SORCS1: variants seen among roughly 807,000 people sequenced by gnomAD.
SORCS1 encodes the protein VPS10 domain-containing receptor SorCS1.
A neutral mutation model predicts 146.1 loss-of-function variants in SORCS1; 60 were observed. The observed-to-expected ratio is 0.41, with a 90% CI of 0.33 to 0.51. SORCS1 has a LOEUF of 0.51. Among genes scored for constraint, SORCS1 ranks in the 20% least tolerant of loss-of-function variants. SORCS1 has a pLI of 0.21. For missense variants in SORCS1, 1,352 were observed against 1,487.6 expected (o/e 0.91, Z 1.50); for synonymous variants, 637 against 584.0 (o/e 1.09, Z -1.31).
intron 3 of SORCS1, among the ~76,000 whole-genome samples, chr10:106,823,628 C>T (rs963573951): frequency 2.6e-5 from 4 of 152,112 alleles, no homozygotes; most frequent in Non-Finnish European, 5.9e-5. Context: ...TCTAGGTCCT[C>T]GCATTCTAAA....
At chr10:107,097,014 C>T (rs1045742010) in intron 1 of SORCS1, among the ~76,000 whole-genome samples, 5 of 152,214 alleles carry the variant, frequency 3.3e-5, no homozygotes, top group Non-Finnish European at 7.3e-5. Context: ...AATTAATGTG[C>T]TTTAAGGAGA....
At chr10:107,026,481 T>C (rs1207326438) in intron 1 of SORCS1, among the ~76,000 whole-genome samples, 1 of 151,836 alleles carries the variant, frequency 6.6e-6, no homozygotes, top group Non-Finnish European at 1.5e-5. Context: ...TAGCCAGGCA[T>C]GGTGGTGGGC....
intron 6 of SORCS1, among the ~76,000 whole-genome samples, chr10:106,725,559 A>AAAATAAATAAATAAATAAATAAAT (rs71025549): frequency 1.2e-4 from 17 of 144,622 alleles, no homozygotes; most frequent in South Asian, 4.5e-4. Flanking sequence ...CACATACACA[A>AAAATAAATAAATAAATAAATAAAT]AAATAAATAA....
intron 23 of SORCS1, among the ~76,000 whole-genome samples, chr10:106,602,398 G>T (rs1361656702): frequency 6.6e-6 from 1 of 152,076 alleles, no homozygotes; most frequent in African/African-American, 2.4e-5. Flanking sequence ...TTCCTTTTGT[G>T]TTAAACAGAG....
At chr10:106,964,179 C>T (rs1205750845) in intron 1 of SORCS1, among the ~76,000 whole-genome samples, 3 of 152,206 alleles carry the variant, frequency 2.0e-5, no homozygotes, top group Admixed American at 6.5e-5. Flanking sequence ...GGACCCAACA[C>T]AATATCAGAA....
At chr10:107,127,866 C>G (rs1312452068) in intron 1 of SORCS1, among the ~76,000 whole-genome samples, 3 of 152,220 alleles carry the variant, frequency 2.0e-5, no homozygotes, top group Non-Finnish European at 4.4e-5. Flanking sequence ...GCATACCTGG[C>G]TTTAAAACTT....
In SORCS1 at chr10:106,957,576, C is replaced by T. The variant is rs79795795; in HGVS notation, c.559-996G>A. Among the ~76,000 whole-genome samples, 386 of 152,166 alleles carry T rather than the reference C, an allele frequency of 2.5e-3. 3 individuals carry two copies. Among genetic ancestry groups the T allele is most frequent in the African/African-American group, 8.9e-3 (370 of 41,502 alleles). On this transcript the variant is annotated intron_variant, in intron 1 of 25. Coordinates refer to ENST00000263054, the MANE Select transcript of SORCS1 (RefSeq NM_052918.5). ...TCTAGGAAAGCCATTAAATAGAAGC[C>T]ACATTGGCAGGGCTAAACGACAGCA...
At chr10:106,582,845 G>C (rs1685640241) in intron 24 of SORCS1, among the ~76,000 whole-genome samples, 1 of 152,226 alleles carries the variant, frequency 6.6e-6, no homozygotes, top group Middle Eastern at 3.4e-3. Flanking sequence ...TTATTCATGA[G>C]GACCTGGAAC....
chr10:106,791,863 T>G (rs1815412590), intron 3 of SORCS1, among the ~76,000 whole-genome samples: 2 of 152,174 alleles, frequency 1.3e-5, no homozygotes, highest in African/African-American at 4.8e-5. Context: ...AAGATGTATT[T>G]TATGTCAATA....
At chr10:106,724,379 C>T (rs1390724214) in intron 6 of SORCS1, among the ~76,000 whole-genome samples, 2 of 151,854 alleles carry the variant, frequency 1.3e-5, no homozygotes, top group South Asian at 2.1e-4. Context: ...TGGTGGTGTG[C>T]ACCTGTAATC....
intron 18 of SORCS1, among the ~76,000 whole-genome samples, chr10:106,629,730 G>A (rs1278195413): frequency 6.6e-6 from 1 of 152,200 alleles, no homozygotes. Context: ...GATAAAAGGT[G>A]TACACACACA....
At chr10:106,791,797 C>T (rs1016996830) in intron 3 of SORCS1, among the ~76,000 whole-genome samples, 17 of 152,146 alleles carry the variant, frequency 1.1e-4, no homozygotes, top group Admixed American at 8.5e-4. Flanking sequence ...AAGTGCCTAT[C>T]GCAACACTAG....
chr10:106,607,360 G>T (rs909867436), intron 22 of SORCS1, 63 bp from the exon 23 acceptor site: 6 of 1,593,148 alleles, frequency 3.8e-6, no homozygotes, highest in Non-Finnish European at 5.1e-6. Context: ...AAGGGACCAA[G>T]TATTTGGTGG....
intron 2 of SORCS1, among the ~76,000 whole-genome samples, chr10:106,905,602 C>G (rs1185134063): frequency 3.3e-5 from 5 of 152,086 alleles, no homozygotes; most frequent in Admixed American, 2.6e-4. Flanking sequence ...AGGTAATTTT[C>G]TAATTAAAAT....
intron 1 of SORCS1, among the ~76,000 whole-genome samples, chr10:107,002,684 G>T (rs1394796964): frequency 6.6e-6 from 1 of 152,158 alleles, no homozygotes; most frequent in African/African-American, 2.4e-5. Flanking sequence ...AATCCAGGCT[G>T]CATTCCACAC....
chr10:106,582,036 T>C (rs1844949227), intron 24 of SORCS1, among the ~76,000 whole-genome samples: 2 of 152,134 alleles, frequency 1.3e-5, no homozygotes, highest in Non-Finnish European at 2.9e-5. Context: ...CTTGAAAAGG[T>C]TGGCATTTGA....
At chr10:106,940,314 A>T (rs376781489) in intron 2 of SORCS1, among the ~76,000 whole-genome samples, 14 of 152,312 alleles carry the variant, frequency 9.2e-5, no homozygotes, top group African/African-American at 2.9e-4. Context: ...ACATATTTTT[A>T]AAAAATCTCC....
At chr10:106,751,637 T>G (rs1427152209) in intron 5 of SORCS1, among the ~76,000 whole-genome samples, 2 of 152,096 alleles carry the variant, frequency 1.3e-5, no homozygotes, top group Non-Finnish European at 1.5e-5. Context: ...GATCTAAAAT[T>G]TTCATTCCTT....
At chr10:106,990,660 T>C (rs1254944486) in intron 1 of SORCS1, among the ~76,000 whole-genome samples, 1 of 152,208 alleles carries the variant, frequency 6.6e-6, no homozygotes, top group Admixed American at 6.5e-5. Context: ...CAAACGTTTG[T>C]AATTAAGAAT....
Sources: gnomAD v4.1 joint callset for allele counts (sites outside exome capture counted in the v4.1 genomes callset) on GRCh38, gnomAD v4.1.1 for gene constraint, MANE v1.5 for transcripts, NCBI Gene and HGNC (gene_info 2026-07-23, HGNC 2026-07-21) for gene names.